GTPBP10: variants seen among roughly 807,000 people sequenced by gnomAD.
The protein encoded by GTPBP10 is GTP binding protein 10.
A neutral mutation model predicts 44.8 loss-of-function variants in GTPBP10; 38 were observed. The ratio of observed to expected loss-of-function variants is 0.85; its 90% CI spans 0.65 to 1.11. The LOEUF is 1.11. GTPBP10 is among the 50% of genes most tolerant of loss of function. The pLI, the probability that GTPBP10 is intolerant of heterozygous loss-of-function variation, is 0.00. For missense variants in GTPBP10, 462 were observed against 453.7 expected (o/e 1.02, Z -0.17); for synonymous variants, 152 against 150.6 (o/e 1.01, Z -0.07).
intron 4 of GTPBP10, among the ~76,000 whole-genome samples, chr7:90,356,955 G>C (rs1795915274): frequency 6.6e-6 from 1 of 152,134 alleles, no homozygotes. Flanking sequence ...AAGAATGGGG[G>C]AAAAAGATTT....
intron 5 of GTPBP10, 131 bp from the exon 6 acceptor site, chr7:90,374,171 T>G (rs1796305455): frequency 4.3e-6 from 3 of 705,084 alleles, no homozygotes; most frequent in Non-Finnish European, 7.7e-6. Flanking sequence ...AAGATAATAA[T>G]AGTTTCCATT....
chr7:90,375,320 A>G (rs1796326166), intron 6 of GTPBP10, among the ~76,000 whole-genome samples: 1 of 152,152 alleles, frequency 6.6e-6, no homozygotes, highest in Admixed American at 6.5e-5. Flanking sequence ...ATACTATATA[A>G]TATTACAGCA....
chr7:90,379,949 T>C (rs1287991111), intron 8 of GTPBP10, among the ~76,000 whole-genome samples: 1 of 152,254 alleles, frequency 6.6e-6, no homozygotes, highest in Non-Finnish European at 1.5e-5. Context: ...TATGTGCTTA[T>C]TAGGCATTTC....
Position 90,352,668 on chromosome 7 carries a change from G to A in GTPBP10, c.34-148G>A, listed in dbSNP as rs965718775. The A allele has an allele frequency of 2.0e-5, 11 of 549,558 alleles. No homozygotes were observed. The African/African-American group carries it at 2.1e-4, about 10-fold the overall frequency. The allele number at this position is 549,558 out of a possible 1,614,324, so 34.0% of individuals were successfully genotyped here. A position where few individuals can be genotyped will look rare whatever the true frequency, so the allele number is the denominator to read the frequency against. ...AAGGGGGTCAGATCGGAGATGTGGA[G>A]GTGAGCTAAGAAAATGTTATAGAAT... On this transcript the variant is annotated intron_variant, in intron 1 of 9. Coordinates refer to ENST00000222511, the MANE Select transcript of GTPBP10 (RefSeq NM_033107.4).
In GTPBP10 at chr7:90,385,578, C is replaced by T. The variant is rs182724022; in HGVS notation, c.*424C>T. ...TCCACAATGTATAGATATTTCAAAA[C>T]ATGTTACACATGATAAATCCAGTTT... On this transcript the variant is annotated 3_prime_UTR_variant, in exon 10 of 10. Coordinates refer to ENST00000222511, the MANE Select transcript of GTPBP10 (RefSeq NM_033107.4). 141 of 152,632 alleles carry T rather than the reference C, an allele frequency of 9.2e-4. No individual in the cohort carries two copies. Among genetic ancestry groups the T allele is most frequent in the African/African-American group, 3.2e-3 (134 of 41,554 alleles). The allele number at this position is 152,632 out of a possible 1,614,324, so 9.5% of individuals were successfully genotyped here. A position where few individuals can be genotyped will look rare whatever the true frequency, so the allele number is the denominator to read the frequency against.
rs768951754 is a variant in GTPBP10 at position 90,352,982 on chromosome 7, T to G, written c.200T>G (p.Phe67Cys). The change falls in exon 2 of 10, where the codon TTT becomes TGT. Residue 67 changes from phenylalanine to cysteine, a missense_variant. Transcript: ENST00000222511. ...AAAGACAGGTATCCTCGGAAACGGT[T>G]TGTGGCTGGAGTAGGAGCAAACAGC... is the stretch of plus-strand genomic sequence containing the variant. ...QLKDRYPRKR[F>C]VAGVGANSKI... 1 of 1,608,842 alleles carries G rather than the reference T, an allele frequency of 6.2e-7. No homozygotes were observed. The highest frequency in any genetic ancestry group is 8.5e-7 in the Non-Finnish European group (1 of 1,176,954).
chr7:90,358,807 G>A (rs148829870), intron 4 of GTPBP10, among the ~76,000 whole-genome samples: 47 of 152,234 alleles, frequency 3.1e-4, no homozygotes, highest in African/African-American at 1.0e-3. Context: ...AATCAACAGA[G>A]TAAACAGCCT....
intron 5 of GTPBP10, among the ~76,000 whole-genome samples, chr7:90,373,502 C>T (rs1043561421): frequency 5.3e-5 from 8 of 152,106 alleles, no homozygotes; most frequent in South Asian, 2.1e-4. Context: ...TAGACTGTGA[C>T]GAAGTAGAGT....
In GTPBP10 at chr7:90,378,210, A is replaced by C. The variant is rs762108280; in HGVS notation, c.776A>C (p.Lys259Thr). The change falls in exon 8 of 10, where the codon AAA (lysine) becomes ACA (threonine). Residue 259 changes from lysine to threonine, a missense_variant and splice_region_variant. Lys to Thr is a moderately conservative substitution (Grantham distance 78). Coordinates refer to ENST00000222511, the MANE Select transcript of GTPBP10 (RefSeq NM_033107.4). Reference protein sequence around the residue: ...TAFETIILLTKELELYKEELQ... With the variant: ...TAFETIILLTTELELYKEELQ... ...TTTGAAACCATAATACTGCTTACAA[A>C]AGTAGGTTTTCTGTTTTACTGTGTT... The C allele has an allele frequency of 6.2e-7, 1 of 1,611,500 alleles. No individual in the cohort carries two copies. Among genetic ancestry groups the C allele is most frequent in the Non-Finnish European group, 8.5e-7 (1 of 1,178,318 alleles).
At chr7:90,371,052 T>C (rs964212492) in intron 4 of GTPBP10, 3 of 152,164 alleles carry the variant, frequency 2.0e-5, no homozygotes, top group African/African-American at 7.3e-5. Flanking sequence ...AATAAATAGA[T>C]ATGAGCTATT....
At chr7:90,377,120 A>G (rs1160053651) in intron 6 of GTPBP10, among the ~76,000 whole-genome samples, 1 of 152,118 alleles carries the variant, frequency 6.6e-6, no homozygotes, top group Non-Finnish European at 1.5e-5. Context: ...GCTACTTGGG[A>G]GACTGAGGTG....
intron 4 of GTPBP10, among the ~76,000 whole-genome samples, chr7:90,359,645 G>C (rs887228220): frequency 1.3e-5 from 2 of 152,162 alleles, no homozygotes. Context: ...ATAATCGTTC[G>C]GGTATGTACC....
chr7:90,363,332 G>A (rs1796065224), intron 4 of GTPBP10, among the ~76,000 whole-genome samples: 1 of 152,176 alleles, frequency 6.6e-6, no homozygotes, highest in Non-Finnish European at 1.5e-5. Context: ...CAGGGCTGGT[G>A]TTGACAAAAT....
intron 4 of GTPBP10, among the ~76,000 whole-genome samples, chr7:90,358,227 G>A (rs1396311133): frequency 6.6e-6 from 1 of 152,062 alleles, no homozygotes; most frequent in African/African-American, 2.4e-5. Context: ...CGTAACCAAG[G>A]TCGAGAAAGA....
At chr7:90,359,035 A>G (rs935508723) in intron 4 of GTPBP10, among the ~76,000 whole-genome samples, 7 of 152,218 alleles carry the variant, frequency 4.6e-5, no homozygotes, top group African/African-American at 9.6e-5. Context: ...TATTAAAACC[A>G]CAATGATTTA....
At chr7:90,371,276 G>T (rs1379266929) in intron 4 of GTPBP10, 6 of 499,786 alleles carry the variant, frequency 1.2e-5, no homozygotes, top group Non-Finnish European at 1.6e-5. Flanking sequence ...TAGACAACCT[G>T]AAAGTCTGTC....
chr7:90,363,025 T>C (rs968117539), intron 4 of GTPBP10, among the ~76,000 whole-genome samples: 6 of 152,228 alleles, frequency 3.9e-5, no homozygotes, highest in African/African-American at 1.4e-4. Flanking sequence ...AGCCTATGTG[T>C]GTCTCTGCAT....
intron 5 of GTPBP10, 83 bp downstream of exon 5, chr7:90,372,311 T>A: frequency 1.0e-6 from 1 of 995,324 alleles, no homozygotes; most frequent in Non-Finnish European, 1.5e-6. Flanking sequence ...AATAAAATGA[T>A]AACTCGGAGG....
Position 90,365,368 on chromosome 7 carries a change from C to CTTTTTTTT in GTPBP10, c.465-6769_465-6762dup, listed in dbSNP as rs59645149. Among the ~76,000 whole-genome samples the CTTTTTTTT allele has an allele frequency of 6.8e-4, 61 of 90,360 alleles. 1 individual carries two copies. Among genetic ancestry groups the CTTTTTTTT allele is most frequent in the Admixed American group, 1.7e-3 (12 of 7,090 alleles). 59.3% of individuals were successfully genotyped at this position (90,360 alleles called of 152,430 possible). ...TTTTGGACTGAGACTTTGGGGTTTT[C>CTTTTTTTT]TTTTTTTTTTTTTTTTTTTTTTTTT... On this transcript the variant is annotated intron_variant, in intron 4 of 9. Transcript: ENST00000222511.
Sources: allele counts gnomAD v4.1 joint callset (sites outside exome capture counted in the v4.1 genomes callset), GRCh38; gene constraint gnomAD v4.1.1; transcripts MANE v1.5; gene names NCBI Gene and HGNC (gene_info 2026-07-23, HGNC 2026-07-21).